ADAMTSL1: variants seen among roughly 807,000 people sequenced by gnomAD.
ADAMTSL1 encodes ADAMTS-like protein 1.
In ADAMTSL1, 126 loss-of-function variants were observed where a neutral mutation model predicts 201.8. The ratio of observed to expected loss-of-function variants is 0.62; its 90% CI spans 0.54 to 0.72. The LOEUF is 0.72. Among genes scored for constraint, ADAMTSL1 ranks in the 30% least tolerant of loss-of-function variants. ADAMTSL1 has a pLI of 0.00. For missense variants in ADAMTSL1, 2,679 were observed against 2,277.8 expected (o/e 1.18, Z -3.59); for synonymous variants, 1,121 against 903.4 (o/e 1.24, Z -4.32).
intron 21 of ADAMTSL1, among the ~76,000 whole-genome samples, chr9:18,817,989 A>G (rs1465022850): frequency 6.6e-6 from 1 of 152,242 alleles, no homozygotes; most frequent in Non-Finnish European, 1.5e-5. Context: ...AGGAAGGCAC[A>G]GTGAAGCAAG....
At chr9:18,275,713 A>G (rs1005490657) in intron 2 of ADAMTSL1, among the ~76,000 whole-genome samples, 9 of 152,186 alleles carry the variant, frequency 5.9e-5, no homozygotes, top group African/African-American at 1.4e-4. Flanking sequence ...ATTGCTGAGT[A>G]GTATTTCATT....
At chr9:18,089,958 A>G (rs568135474) in intron 1 of ADAMTSL1, among the ~76,000 whole-genome samples, 2 of 152,298 alleles carry the variant, frequency 1.3e-5, no homozygotes, top group Non-Finnish European at 2.9e-5. Context: ...TAAGGTTGGT[A>G]ATTATAATTT....
In ADAMTSL1 at chr9:18,627,692, G is replaced by T. The variant is rs555820202; in HGVS notation, c.601+5323G>T. Reference sequence around the variant, plus strand: ...TTCTGCCTGCCTCTTCCATATTAAAGAATGTTTGTGATTACATTGAGTCCA... The same window carrying T: ...TTCTGCCTGCCTCTTCCATATTAAATAATGTTTGTGATTACATTGAGTCCA... On this transcript the variant is annotated intron_variant, in intron 5 of 28. Transcript: ENST00000380548. 9.9e-5 allele frequency among the ~76,000 whole-genome samples: 15 copies of T among 152,262 alleles called. No individual in the cohort carries two copies. The South Asian group carries it at 2.9e-3, about 30-fold the overall frequency.
intron 2 of ADAMTSL1, among the ~76,000 whole-genome samples, chr9:18,420,164 G>A (rs76995017): frequency 0.03 from 4,534 of 152,286 alleles, 212 homozygotes; most frequent in African/African-American, 0.096. Context: ...GGTGAAAACC[G>A]CAATTACTGT....
intron 2 of ADAMTSL1, among the ~76,000 whole-genome samples, chr9:18,419,970 C>A (rs776359244): frequency 5.9e-5 from 9 of 151,984 alleles, no homozygotes; most frequent in Non-Finnish European, 1.2e-4. Flanking sequence ...CCTGGTGATC[C>A]ACCCGCCTCG....
intron 1 of ADAMTSL1, among the ~76,000 whole-genome samples, chr9:17,915,141 C>A (rs1161170211): frequency 6.6e-6 from 1 of 152,128 alleles, no homozygotes; most frequent in African/African-American, 2.4e-5. Context: ...ACACCATCAC[C>A]CTGAAGTTTC....
intron 2 of ADAMTSL1, among the ~76,000 whole-genome samples, chr9:18,366,276 A>G (rs1586982966): frequency 6.6e-6 from 1 of 151,704 alleles, no homozygotes; most frequent in Middle Eastern, 3.4e-3. Context: ...TTGCTTATAC[A>G]AGTTTTTCAT....
At chr9:18,000,604 C>G (rs1202473991) in intron 1 of ADAMTSL1, among the ~76,000 whole-genome samples, 1 of 152,026 alleles carries the variant, frequency 6.6e-6, no homozygotes, top group Non-Finnish European at 1.5e-5. Flanking sequence ...TGGGAAAAAC[C>G]TCCTTTGACT....
intron 1 of ADAMTSL1, among the ~76,000 whole-genome samples, chr9:17,933,761 G>T (rs1033143872): frequency 4.6e-5 from 7 of 152,084 alleles, no homozygotes; most frequent in African/African-American, 1.2e-4. Flanking sequence ...ACCAGATTTC[G>T]TGAGAACTCA....
intron 1 of ADAMTSL1, among the ~76,000 whole-genome samples, chr9:17,924,926 A>C (rs1175035080): frequency 1.1e-4 from 13 of 122,272 alleles, no homozygotes; most frequent in Non-Finnish European, 2.1e-4. Context: ...CAACCTACAA[A>C]ATGGGAGAAA....
At chr9:18,638,632 G>A (rs149916232) in intron 6 of ADAMTSL1, among the ~76,000 whole-genome samples, 1 of 152,044 alleles carries the variant, frequency 6.6e-6, no homozygotes, top group Non-Finnish European at 1.5e-5. Flanking sequence ...ATCTCAAGCA[G>A]TTATGAAATA....
At position 18,447,619 on chromosome 9, in the gene ADAMTSL1, C is replaced by T. The variant is rs191558285; in HGVS notation, c.208-57210C>T. Among the ~76,000 whole-genome samples, 215 of 152,286 alleles carry T rather than the reference C, an allele frequency of 1.4e-3. 2 individuals are homozygous for T. Among genetic ancestry groups the T allele is most frequent in the African/African-American group, 4.8e-3 (200 of 41,568 alleles). On this transcript the variant is annotated intron_variant, in intron 2 of 29. Transcript: ENST00000680146. ...GCACCTGATGCAAAACAAAATGTCTCGCAATTATAAGTGTGTGTTTGGAGG... is the reference window on the plus strand; with the variant it reads ...GCACCTGATGCAAAACAAAATGTCTTGCAATTATAAGTGTGTGTTTGGAGG...
At chr9:18,351,424 A>G (rs1259291981) in intron 2 of ADAMTSL1, among the ~76,000 whole-genome samples, 1 of 152,078 alleles carries the variant, frequency 6.6e-6, no homozygotes, top group Non-Finnish European at 1.5e-5. Context: ...GATGAGGAAC[A>G]CATAAATAAA....
chr9:18,291,454 A>G (rs186401319), intron 2 of ADAMTSL1, among the ~76,000 whole-genome samples: 29 of 152,246 alleles, frequency 1.9e-4, no homozygotes, highest in Non-Finnish European at 3.2e-4. Context: ...GGTGCTGAAG[A>G]TATAGCAGCA....
intron 2 of ADAMTSL1, among the ~76,000 whole-genome samples, chr9:18,384,222 A>G (rs1403114241): frequency 6.6e-6 from 1 of 152,096 alleles, no homozygotes; most frequent in East Asian, 1.9e-4. Context: ...GGCAAAGGGG[A>G]AGCAGGCACT....
chr9:18,167,392 T>C (rs1827681295), intron 2 of ADAMTSL1, among the ~76,000 whole-genome samples: 1 of 151,918 alleles, frequency 6.6e-6, no homozygotes, highest in Admixed American at 6.6e-5. Flanking sequence ...TTTGAATGAC[T>C]GGTAAAATAG....
chr9:18,032,686 C>G lies in ADAMTSL1; in HGVS notation c.87+125764C>G, dbSNP rs547629537. 1.1e-4 allele frequency among the ~76,000 whole-genome samples: 16 copies of G among 152,330 alleles called. No individual in the cohort carries two copies. In the South Asian group the frequency reaches 3.1e-3, roughly 30 times the overall value. On this transcript the variant is annotated intron_variant, in intron 1 of 29. Transcript: ENST00000680146. ...GCTGCCCCTTGTAAGCTTCTGGGCT[C>G]CGCACAAGACCAAGCTCTTCCTCTA... is the stretch of plus-strand genomic sequence containing the variant.
At chr9:18,375,835 G>C (rs1041173177) in intron 2 of ADAMTSL1, among the ~76,000 whole-genome samples, 1 of 152,110 alleles carries the variant, frequency 6.6e-6, no homozygotes, top group Non-Finnish European at 1.5e-5. Context: ...ATTTTACAGA[G>C]TGCTGATTGG....
intron 4 of ADAMTSL1, among the ~76,000 whole-genome samples, chr9:18,581,142 C>T (rs940788719): frequency 2.6e-5 from 4 of 152,130 alleles, no homozygotes; most frequent in African/African-American, 7.2e-5. Flanking sequence ...TTCCTAACTT[C>T]TAATAGTAGC....
Sources: gnomAD v4.1 joint callset for allele counts (sites outside exome capture counted in the v4.1 genomes callset) on GRCh38, gnomAD v4.1.1 for gene constraint, MANE v1.5 for transcripts, NCBI Gene and HGNC (gene_info 2026-07-23, HGNC 2026-07-21) for gene names.